Variants in LY6K observed in about 807,000 individuals in gnomAD.
LY6K encodes the protein lymphocyte antigen 6 family member K, also known as lymphocyte antigen 6K.
In LY6K, 9 loss-of-function variants were observed where a neutral mutation model predicts 10.4. The ratio of observed to expected loss-of-function variants is 0.87; its 90% confidence interval spans 0.52 to 1.52. The LOEUF (loss-of-function observed/expected upper bound fraction) is 1.52, where lower values mean the gene tolerates loss of function less well. LY6K is among the 40% of genes most tolerant of loss of function. The pLI is 0.00. For missense variants in LY6K, 217 were observed against 211.7 expected (o/e 1.02, Z -0.15); for synonymous variants, 98 against 83.7 (o/e 1.17, Z -0.94).
intron 2 of LY6K, 145 bp downstream of exon 2, chr8:142,701,858 T>C (rs1554640224): frequency 1.7e-6 from 1 of 603,250 alleles, no homozygotes; most frequent in Non-Finnish European, 2.9e-6. Flanking sequence ...GGAGTCAGGC[T>C]GGAGTGCAGT....
chr8:142,700,705 C>T, intron 1 of LY6K, 75 bp downstream of exon 1: 3 of 1,330,430 alleles, frequency 2.3e-6, no homozygotes, highest in East Asian at 3.1e-5. Flanking sequence ...CACCGCGTGG[C>T]CACCGCCCCG....
Position 142,700,796 on chromosome 8 carries a change from C to A in LY6K, c.103+166C>A, listed in dbSNP as rs587732552. On this transcript the variant is annotated intron_variant, in intron 1 of 2. Coordinates refer to ENST00000292430, the MANE Select transcript of LY6K (RefSeq NM_017527.4). ...GGAGCCTCGCCTCGTGCGGCTTCCACCAGGGCGGCGGGGCAGCCTGAGCCC... is the reference window on the plus strand; with the variant it reads ...GGAGCCTCGCCTCGTGCGGCTTCCAACAGGGCGGCGGGGCAGCCTGAGCCC... Among the ~76,000 whole-genome samples the A allele has an allele frequency of 3.5e-3, 535 of 152,206 alleles. 9 individuals carry two copies. The highest frequency in any genetic ancestry group is 0.012 in the African/African-American group (491 of 41,544).
rs782108581 is a variant in LY6K at position 142,700,568 on chromosome 8, G to C, written c.41G>C (p.Arg14Pro). ...TTGCTGCTGGTCGTGGCCCTACCGC[G>C]GGTGTGGACAGACGCCAACCTGACT... ...LALLLVVALPRVWTDANLTAR... is the reference protein window; with the variant it reads ...LALLLVVALPPVWTDANLTAR... The change falls in exon 1 of 3, where the codon CGG becomes CCG. Residue 14 changes from arginine (R) to proline (P), a missense_variant. By Grantham distance (103) the Arg-to-Pro change is moderately radical. Coordinates refer to ENST00000292430, the MANE Select transcript of LY6K (RefSeq NM_017527.4). The C allele has an allele frequency of 1.3e-6, 2 of 1,587,180 alleles. No individual in the cohort carries two copies. Among genetic ancestry groups the C allele is most frequent in the Non-Finnish European group, 1.7e-6 (2 of 1,168,938 alleles).
rs1305185711 is a variant in LY6K at position 142,702,579 on chromosome 8, GTGCTGAGGTGA to G, written c.218-507_218-497del. Reference sequence around the variant, plus strand: ...CTTCGGTATCCACGAAGTTGGTGGGGTGCTGAGGTGATGCTTCAGACTCAGTGTGGCCCACA... The same window carrying G: ...CTTCGGTATCCACGAAGTTGGTGGGGTGCTTCAGACTCAGTGTGGCCCACA... On this transcript the variant is annotated intron_variant, in intron 2 of 2. Transcript: ENST00000292430. The G allele has an allele frequency of 2.0e-5, 30 of 1,535,586 alleles. No individual in the cohort carries two copies. The Middle Eastern group carries it at 6.7e-4, about 34-fold the overall frequency.
At chr8:142,702,658 T>C (rs1815084942) in intron 2 of LY6K, 1 of 1,520,902 alleles carries the variant, frequency 6.6e-7, no homozygotes, top group Non-Finnish European at 8.8e-7. Flanking sequence ...TGTACAGTGA[T>C]GTATAAGATG....
In LY6K at chr8:142,700,363, C is replaced by T. The variant is rs1554639866; in HGVS notation, c.-165C>T. ...GCCGCGAGGCCCTGAGATGAGGCTCCAAAGACCCCGACAGGCCCCGGCGGG... is the reference window on the plus strand; with the variant it reads ...GCCGCGAGGCCCTGAGATGAGGCTCTAAAGACCCCGACAGGCCCCGGCGGG... On this transcript the variant is annotated 5_prime_UTR_variant, in exon 1 of 3. It introduces an in-frame stop codon into an upstream open reading frame of the 5' UTR. Coordinates refer to ENST00000292430, the MANE Select transcript of LY6K (RefSeq NM_017527.4). The T allele has an allele frequency of 7.5e-6, 10 of 1,332,442 alleles. No individual in the cohort carries two copies. Among genetic ancestry groups the T allele is most frequent in the Middle Eastern group, 2.8e-4 (1 of 3,560 alleles). The allele number at this position is 1,332,442 out of a possible 1,614,324, so 82.5% of individuals were successfully genotyped here. A position where few individuals can be genotyped will look rare whatever the true frequency, so the allele number is the denominator to read the frequency against.
chr8:142,702,422 G>A lies in LY6K; in HGVS notation c.218-669G>A, dbSNP rs187332597. 2.7e-5 allele frequency: 39 copies of A among 1,432,994 alleles called. 1 individual carries two copies. In the African/African-American group the frequency reaches 4.4e-4, roughly 16 times the overall value. 88.8% of individuals were successfully genotyped at this position (1,432,994 alleles called of 1,614,324 possible). On this transcript the variant is annotated intron_variant, in intron 2 of 2. Transcript: ENST00000292430. ...TGTGGAGACCACTGCTCTGTCATCT[G>A]TGATTCCCCTGAAAACCTCTGGGTA...
chr8:142,703,055 C>T lies in LY6K; in HGVS notation c.218-36C>T, dbSNP rs1554640410. The stretch of plus-strand genomic sequence containing the variant: ...GCCTCGGTGTCAGGCATTGGAATTG[C>T]GTGATTGCCTTCTCTCGGTCTTTAT... On this transcript the variant is annotated intron_variant, in intron 2 of 2. Coordinates refer to ENST00000292430, the MANE Select transcript of LY6K (RefSeq NM_017527.4). 5.0e-6 allele frequency: 8 copies of T among 1,610,192 alleles called. No individual in the cohort carries two copies. In the Admixed American group the frequency reaches 5.0e-5, roughly 10 times the overall value.
intron 2 of LY6K, chr8:142,702,451 G>A (rs982852783): frequency 2.0e-6 from 3 of 1,527,180 alleles, no homozygotes; most frequent in Non-Finnish European, 2.6e-6. Flanking sequence ...CTGGGTACAT[G>A]AAGCCCTCCC....
At position 142,700,239 on chromosome 8, in the gene LY6K, G is replaced by A. The variant is rs2129912351; in HGVS notation, c.-289G>A. 7.6e-6 allele frequency: 7 copies of A among 923,320 alleles called. No individual in the cohort carries two copies. The highest frequency in any genetic ancestry group is 3.2e-5 in the South Asian group (1 of 30,872). 57.2% of individuals were successfully genotyped at this position (923,320 alleles called of 1,614,324 possible). A position where few individuals can be genotyped will look rare whatever the true frequency, so the allele number is the denominator to read the frequency against. ...GCTCAGGGGCTGCGTTTCCACACGC[G>A]CCTTTCCCAGGGCTCCCGCGCCCGT... is the stretch of plus-strand genomic sequence containing the variant. On this transcript the variant is annotated 5_prime_UTR_variant, in exon 1 of 3. Coordinates refer to ENST00000292430, the MANE Select transcript of LY6K (RefSeq NM_017527.4).
Position 142,703,381 on chromosome 8 carries a change from C to T in LY6K, c.*10C>T, listed in dbSNP as rs782299836. 3.0e-5 allele frequency: 48 copies of T among 1,601,608 alleles called. 4 individuals carry two copies. The South Asian group carries it at 5.1e-4, about 17-fold the overall frequency. ...CCTCAGCCTGTCTTGAGCCACGGGA[C>T]TGCCACAGACTGAGCCTTCCGGAGC... On this transcript the variant is annotated 3_prime_UTR_variant, in exon 3 of 3. Coordinates refer to ENST00000292430, the MANE Select transcript of LY6K (RefSeq NM_017527.4).
Position 142,700,326 on chromosome 8 carries a change from G to C in LY6K, c.-202G>C. On this transcript the variant is annotated 5_prime_UTR_variant, in exon 1 of 3. Coordinates refer to ENST00000292430, the MANE Select transcript of LY6K (RefSeq NM_017527.4). The stretch of plus-strand genomic sequence containing the variant: ...AGGCGGGACTCAGAACCGGCGTTCA[G>C]GGCCGCCAGCGGCCGCGAGGCCCTG... The C allele has an allele frequency of 7.7e-7, 1 of 1,305,790 alleles. No homozygotes were observed. The highest frequency in any genetic ancestry group is 9.7e-7 in the Non-Finnish European group (1 of 1,028,162). 80.9% of individuals were successfully genotyped at this position (1,305,790 alleles called of 1,614,324 possible). A position where few individuals can be genotyped will look rare whatever the true frequency, so the allele number is the denominator to read the frequency against.
intron 1 of LY6K, among the ~76,000 whole-genome samples, chr8:142,700,890 C>G (rs1814992123): frequency 6.6e-6 from 1 of 152,168 alleles, no homozygotes; most frequent in Non-Finnish European, 1.5e-5. Context: ...CAGGCTCCCG[C>G]CGGCCTGGCC....
chr8:142,701,822 CT>C (rs34979640), intron 2 of LY6K, 109 bp downstream of exon 2: 246,406 of 579,382 alleles, frequency 0.43, 17,888 homozygotes, highest in Non-Finnish European at 0.44. Flanking sequence ...AGAAAGTAGC[CT>C]TTTTTTTTTT....
intron 1 of LY6K, 141 bp from the exon 2 acceptor site, chr8:142,701,459 C>G: frequency 1.6e-6 from 1 of 644,490 alleles, no homozygotes; most frequent in South Asian, 1.8e-5. Flanking sequence ...GCGGCTCACT[C>G]GAGTCATGTG....
chr8:142,700,361 T>G lies in LY6K; in HGVS notation c.-167T>G. 1 of 1,330,202 alleles carries G rather than the reference T, an allele frequency of 7.5e-7. No homozygotes were observed. The highest frequency in any genetic ancestry group is 9.6e-7 in the Non-Finnish European group (1 of 1,043,644). 82.4% of individuals were successfully genotyped at this position (1,330,202 alleles called of 1,614,324 possible). A position where few individuals can be genotyped will look rare whatever the true frequency, so the allele number is the denominator to read the frequency against. On this transcript the variant is annotated 5_prime_UTR_variant, in exon 1 of 3. Transcript: ENST00000292430. ...CGGCCGCGAGGCCCTGAGATGAGGC[T>G]CCAAAGACCCCGACAGGCCCCGGCG...
intron 2 of LY6K, chr8:142,701,996 T>TG: frequency 3.0e-6 from 1 of 333,724 alleles, no homozygotes; most frequent in South Asian, 3.5e-5. Flanking sequence ...TTAGTAGAGG[T>TG]GGGGTTTCAC....
rs1814950582 is a variant in LY6K at position 142,700,354 on chromosome 8, A to T, written c.-174A>T. On this transcript the variant is annotated 5_prime_UTR_variant, in exon 1 of 3. The change abolishes an upstream ATG in the 5' untranslated region. Transcript: ENST00000292430. ...CCGCCAGCGGCCGCGAGGCCCTGAG[A>T]TGAGGCTCCAAAGACCCCGACAGGC... 7.5e-7 allele frequency: 1 copy of T among 1,326,344 alleles called. No individual in the cohort carries two copies. The highest frequency in any genetic ancestry group is 9.6e-7 in the Non-Finnish European group (1 of 1,041,116). 82.2% of individuals were successfully genotyped at this position (1,326,344 alleles called of 1,614,324 possible).
chr8:142,702,246 A>G (rs892116313), intron 2 of LY6K: 5 of 531,310 alleles, frequency 9.4e-6, no homozygotes, highest in Non-Finnish European at 1.7e-5. Context: ...TCTGGATTTC[A>G]TATCATCCAT....
Sources: allele counts gnomAD v4.1 joint callset (sites outside exome capture counted in the v4.1 genomes callset), GRCh38; gene constraint gnomAD v4.1.1; transcripts MANE v1.5; gene names NCBI Gene and HGNC (gene_info 2026-07-23, HGNC 2026-07-21).